The following ARAP2 variants were observed in gnomAD, a reference collection of about 807,000 sequenced individuals.
ARAP2 encodes ArfGAP with RhoGAP domain, ankyrin repeat and PH domain 2, also known as arf-GAP with Rho-GAP domain, ANK repeat and PH domain-containing protein 2.
ARAP2 carries 148 observed loss-of-function variants against 194.5 expected under a neutral mutation model. That is an observed-to-expected ratio of 0.76 (90% CI 0.67 to 0.87). The LOEUF is 0.87. Ranked by LOEUF, ARAP2 falls within the 40% of genes least tolerant of loss-of-function variation. The pLI, the probability that ARAP2 is intolerant of heterozygous loss-of-function variation, is 0.00. For missense variants in ARAP2, 2,128 were observed against 1,989.7 expected, an observed-to-expected ratio of 1.07 and a Z score of -1.32; for synonymous variants, 695 against 683.5, an observed-to-expected ratio of 1.02 and a Z score of -0.26.
At chr4:36,071,679 TGA>T (rs1162604601) in intron 32 of ARAP2, among the ~76,000 whole-genome samples, 4 of 124,936 alleles carry the variant, frequency 3.2e-5, no homozygotes, top group East Asian at 2.4e-4. Context: ...AATTTTTTTT[TGA>T]GTTTTTTTTT....
At chr4:36,069,837 G>A (rs926283263) in intron 32 of ARAP2, among the ~76,000 whole-genome samples, 2 of 152,076 alleles carry the variant, frequency 1.3e-5, no homozygotes, top group African/African-American at 4.8e-5. Context: ...CGTGGGGGTG[G>A]GGTTTTCATG....
At chr4:36,214,207 C>G (rs1299890641) in intron 3 of ARAP2, among the ~76,000 whole-genome samples, 1 of 152,148 alleles carries the variant, frequency 6.6e-6, no homozygotes, top group Non-Finnish European at 1.5e-5. Context: ...AAACTTCTTA[C>G]ATTAGCATGT....
chr4:36,228,463 G>A, intron 2 of ARAP2, 119 bp downstream of exon 2: 2 of 1,069,290 alleles, frequency 1.9e-6, no homozygotes, highest in East Asian at 2.6e-5. Flanking sequence ...GAAAAGGTTG[G>A]TTGAATAGGT....
chr4:36,177,945 G>C lies in ARAP2; in HGVS notation c.1739C>G (p.Ser580Trp), dbSNP rs760700898. The change falls in exon 9 of 33, where the codon TCG (serine) becomes TGG (tryptophan). Residue 580 changes from serine (S) to tryptophan (W), a missense_variant. Transcript: ENST00000303965. ...AGGTGTAACAACAGCTTGAGACTGCGAGGTAAGGGATTGTGATTTCAGTGC... is the reference window on the plus strand; with the variant it reads ...AGGTGTAACAACAGCTTGAGACTGCCAGGTAAGGGATTGTGATTTCAGTGC... ...LNALKSQSLT[S>W]QSQAVVTPEK... 3 of 1,613,410 alleles carry C rather than the reference G, an allele frequency of 1.9e-6. No homozygotes were observed. The highest frequency in any genetic ancestry group is 2.2e-5 in the East Asian group (1 of 44,862).
chr4:36,097,892 A>G (rs1402560657), intron 27 of ARAP2, among the ~76,000 whole-genome samples: 1 of 152,054 alleles, frequency 6.6e-6, no homozygotes, highest in East Asian at 1.9e-4. Flanking sequence ...GCGGGTAACA[A>G]AACAAACATG....
chr4:36,151,467 A>G (rs1271453556), intron 15 of ARAP2, among the ~76,000 whole-genome samples: 1 of 152,226 alleles, frequency 6.6e-6, no homozygotes, highest in African/African-American at 2.4e-5. Context: ...GCTTGTTCAG[A>G]AGATTTCAAA....
chr4:36,116,183 A>G (rs1463510665), intron 25 of ARAP2, among the ~76,000 whole-genome samples: 1 of 152,000 alleles, frequency 6.6e-6, no homozygotes, highest in African/African-American at 2.4e-5. Context: ...TTCATGTACT[A>G]AGTAATGTAC....
At chr4:36,239,025 A>T (rs917216638) in intron 1 of ARAP2, among the ~76,000 whole-genome samples, 1 of 152,120 alleles carries the variant, frequency 6.6e-6, no homozygotes, top group Non-Finnish European at 1.5e-5. Context: ...TGTAATCCCC[A>T]TACACTTTGG....
chr4:36,083,169 G>C (rs1248597858), intron 29 of ARAP2, among the ~76,000 whole-genome samples, 199 bp downstream of exon 29: 2 of 151,994 alleles, frequency 1.3e-5, no homozygotes, highest in African/African-American at 4.8e-5. Context: ...GTCTCAGTGG[G>C]AACATCGTCC....
At chr4:36,110,214 T>C (rs1719556447) in intron 26 of ARAP2, among the ~76,000 whole-genome samples, 1 of 151,900 alleles carries the variant, frequency 6.6e-6, no homozygotes, top group South Asian at 2.1e-4. Flanking sequence ...CATGATGGTT[T>C]TCTCACATGC....
intron 3 of ARAP2, among the ~76,000 whole-genome samples, chr4:36,049,909 C>T (rs188907560): frequency 1.3e-5 from 2 of 152,164 alleles, no homozygotes; most frequent in African/African-American, 4.8e-5. Flanking sequence ...ATTAAACATG[C>T]ATTATTAAAA....
chr4:36,041,523 A>C (rs564407190), intron 5 of ARAP2, among the ~76,000 whole-genome samples: 1 of 152,300 alleles, frequency 6.6e-6, no homozygotes, highest in South Asian at 2.1e-4. Context: ...TAAAAAGTCA[A>C]ATAATAACAG....
intron 6 of ARAP2, among the ~76,000 whole-genome samples, chr4:36,202,688 T>C (rs967091796): frequency 1.3e-5 from 2 of 152,198 alleles, no homozygotes; most frequent in Non-Finnish European, 2.9e-5. Context: ...AGTCATATTA[T>C]ATAAAATACA....
At chr4:36,014,300 G>GGA (rs1560264631) in intron 8 of ARAP2, among the ~76,000 whole-genome samples, 1 of 74,518 alleles carries the variant, frequency 1.3e-5, no homozygotes, top group Non-Finnish European at 2.5e-5. Context: ...AAAGAAAGAA[G>GGA]AGAAGGAAGG....
chr4:36,182,115 G>A (rs916780252), intron 8 of ARAP2, among the ~76,000 whole-genome samples: 8 of 152,138 alleles, frequency 5.3e-5, no homozygotes, highest in Admixed American at 6.6e-5. Flanking sequence ...AGGAGAAAGG[G>A]AACACAAAAA....
intron 15 of ARAP2, among the ~76,000 whole-genome samples, chr4:36,158,456 G>A (rs573084332): frequency 5.7e-4 from 86 of 152,198 alleles, no homozygotes; most frequent in African/African-American, 2.0e-3. Context: ...AGTTATAAAG[G>A]AATAACCTTT....
intron 5 of ARAP2, among the ~76,000 whole-genome samples, chr4:36,031,178 G>A (rs1718888724): frequency 6.6e-6 from 1 of 152,052 alleles, no homozygotes; most frequent in Non-Finnish European, 1.5e-5. Context: ...CATGACGATT[G>A]ATTCTGAAGA....
chr4:36,148,307 A>G, intron 17 of ARAP2, 98 bp downstream of exon 17: 1 of 830,188 alleles, frequency 1.2e-6, no homozygotes. Flanking sequence ...TATTCCTACA[A>G]TCTTATATAA....
chr4:36,052,275 G>A (rs1386382092), intron 2 of ARAP2, among the ~76,000 whole-genome samples: 1 of 152,140 alleles, frequency 6.6e-6, no homozygotes, highest in Non-Finnish European at 1.5e-5. Flanking sequence ...TAATTAGAAC[G>A]CATTGGAAAG....
Sources: gnomAD v4.1 joint callset for allele counts (sites outside exome capture counted in the v4.1 genomes callset) on GRCh38, gnomAD v4.1.1 for gene constraint, MANE v1.5 for transcripts, NCBI Gene and HGNC (gene_info 2026-07-23, HGNC 2026-07-21) for gene names.